ABCA13: variants seen among roughly 807,000 people sequenced by gnomAD.
ABCA13 encodes ATP-binding cassette sub-family A member 13.
A neutral mutation model predicts 478.7 loss-of-function variants in ABCA13; 476 were observed. The observed-to-expected ratio is 0.99, with a 90% CI of 0.92 to 1.07. The LOEUF is 1.07. Among genes scored for constraint, ABCA13 ranks in the 50% least tolerant of loss-of-function variants. The pLI is 0.00. For missense variants in ABCA13, 6,060 were observed against 5,910.6 expected (o/e 1.03, Z -0.83); for synonymous variants, 2,252 against 2,158.9 (o/e 1.04, Z -1.20).
At chr7:48,227,190 ATCTG>A in intron 5 of ABCA13, 68 bp from the exon 6 acceptor site, 1 of 1,546,922 alleles carries the variant, frequency 6.5e-7, no homozygotes, top group Non-Finnish European at 8.9e-7. Context: ...CCTTTGTAGC[ATCTG>A]TCTGTCTCAT....
chr7:48,557,993 CT>C (rs534448134), intron 55 of ABCA13, among the ~76,000 whole-genome samples: 54 of 151,918 alleles, frequency 3.6e-4, no homozygotes, highest in Non-Finnish European at 6.6e-4. Flanking sequence ...CTTGTCTGTT[CT>C]TTGTTCTTTT....
At chr7:48,193,080 T>A (rs775546437) in intron 2 of ABCA13, 28 bp downstream of exon 2, 13 of 1,471,188 alleles carry the variant, frequency 8.8e-6, no homozygotes, top group Non-Finnish European at 1.2e-5. Flanking sequence ...ATATACTTTT[T>A]GAATTAACCT....
intron 13 of ABCA13, 139 bp downstream of exon 13, chr7:48,246,169 G>C (rs961021982): frequency 5.5e-6 from 5 of 912,154 alleles, no homozygotes; most frequent in Non-Finnish European, 6.1e-6. Context: ...CTGGCTCTCT[G>C]AACTCCAGCT....
intron 39 of ABCA13, 133 bp downstream of exon 39, chr7:48,404,012 T>A: frequency 1.8e-6 from 2 of 1,098,562 alleles, no homozygotes; most frequent in Non-Finnish European, 2.7e-6. Context: ...TATAAATTTT[T>A]AAAAGCACTT....
rs377133433 is a variant in ABCA13, at chr7:48,549,606, A to G, written c.14354+21261A>G. On this transcript the variant is annotated intron_variant, in intron 55 of 61. Transcript: ENST00000435803. ...AGTAATTGGATTGCTGGATCAAATG[A>G]TATTTCTGGTTCTAGATCTTTGAGG... Among the ~76,000 whole-genome samples the G allele has an allele frequency of 5.7e-4, 86 of 151,536 alleles. 3 individuals carry two copies. In the South Asian group the frequency reaches 0.011, roughly 19 times the overall value.
rs566783688 is a variant in ABCA13, at chr7:48,352,289, G to T, written c.10490G>T (p.Arg3497Leu). Residue 3497 changes from arginine (R) to leucine (L), a missense_variant, in exon 31 of 62, where the codon CGA becomes CTA. Coordinates refer to ENST00000435803, the MANE Select transcript of ABCA13 (RefSeq NM_152701.5). ...CGGACCAATGTGTTATACAGCGTGC[G>T]AACAGATGTGGTAAAAAACCCTTCT... ...TIRTNVLYSV[R>L]TDVVKNPSWK... is the part of the protein sequence containing the mutation. 10 of 1,613,798 alleles carry T rather than the reference G, an allele frequency of 6.2e-6. No individual in the cohort carries two copies. Among genetic ancestry groups the T allele is most frequent in the Non-Finnish European group, 8.5e-6 (10 of 1,179,888 alleles).
rs1796324674 is a variant in ABCA13 at position 48,276,486 on chromosome 7, C to T, written c.6820C>T (p.Leu2274Phe). The change falls in exon 17 of 62, where the codon CTT (leucine) becomes TTT (phenylalanine). Residue 2274 changes from leucine (L) to phenylalanine (F), a missense_variant. Coordinates refer to ENST00000435803, the MANE Select transcript of ABCA13 (RefSeq NM_152701.5). ...ACAGTTTTTGAAAACATTCTTCTCCCTTTTTCTAAAGGAAGATTCTGAGAA... is the reference window on the plus strand; with the variant it reads ...ACAGTTTTTGAAAACATTCTTCTCCTTTTTTCTAAAGGAAGATTCTGAGAA... ...TEQFLKTFFS[L>F]FLKEDSENKI... The T allele has an allele frequency of 6.2e-7, 1 of 1,608,438 alleles. No homozygotes were observed. Among genetic ancestry groups the T allele is most frequent in the South Asian group, 1.1e-5 (1 of 90,364 alleles).
intron 31 of ABCA13, among the ~76,000 whole-genome samples, chr7:48,360,456 C>A (rs1185066210): frequency 6.6e-6 from 1 of 151,922 alleles, no homozygotes; most frequent in Non-Finnish European, 1.5e-5. Context: ...ATTCTCGATT[C>A]TTAGTTTGAT....
intron 42 of ABCA13, among the ~76,000 whole-genome samples, chr7:48,438,839 T>C (rs552712296): frequency 6.6e-6 from 1 of 151,634 alleles, no homozygotes; most frequent in African/African-American, 2.4e-5. Flanking sequence ...TAACAAATTC[T>C]GTTTTCCACA....
intron 29 of ABCA13, among the ~76,000 whole-genome samples, chr7:48,341,829 T>A (rs1489703954): frequency 1.0e-5 from 1 of 97,896 alleles, no homozygotes; most frequent in Non-Finnish European, 2.3e-5. Context: ...ATATATATCT[T>A]TCTGATATAT....
intron 53 of ABCA13, among the ~76,000 whole-genome samples, chr7:48,522,460 G>A (rs11766863): frequency 1.3e-5 from 2 of 152,116 alleles, no homozygotes; most frequent in African/African-American, 4.8e-5. Context: ...CTGTACCCTA[G>A]GTGCTGGCTG....
intron 23 of ABCA13, among the ~76,000 whole-genome samples, 192 bp from the exon 24 acceptor site, chr7:48,309,755 G>A (rs185023326): frequency 9.2e-5 from 14 of 152,278 alleles, no homozygotes; most frequent in Admixed American, 5.2e-4. Flanking sequence ...AATGATGTGC[G>A]CACTTCAGAA....
intron 45 of ABCA13, among the ~76,000 whole-genome samples, chr7:48,477,215 A>G (rs1024839912): frequency 6.6e-6 from 1 of 152,070 alleles, no homozygotes; most frequent in African/African-American, 2.4e-5. Flanking sequence ...ATATTTTCTC[A>G]TGATCATTAA....
At chr7:48,403,983 A>C (rs774071923) in intron 39 of ABCA13, 104 bp downstream of exon 39, 6 of 1,325,048 alleles carry the variant, frequency 4.5e-6, no homozygotes, top group Admixed American at 2.0e-5. Context: ...GTGAGGCTAC[A>C]TTATCCTTTT....
chr7:48,475,458 A>ATTTTTTTTTTTTT (rs398047655), intron 45 of ABCA13, among the ~76,000 whole-genome samples: 1 of 100,476 alleles, frequency 1.0e-5, no homozygotes, highest in African/African-American at 3.9e-5. Flanking sequence ...TGTCAATTTA[A>ATTTTTTTTTTTTT]TTTTTTTTTT....
Position 48,278,541 on chromosome 7 carries a change from A to G in ABCA13, c.7347A>G (p.Ile2449Met), listed in dbSNP as rs1305376382. The G allele has an allele frequency of 6.2e-7, 1 of 1,613,954 alleles. No individual in the cohort carries two copies. The highest frequency in any genetic ancestry group is 1.1e-5 in the South Asian group (1 of 91,078). The change falls in exon 18 of 62, where the codon ATA becomes ATG. Residue 2449 changes from isoleucine (I) to methionine (M), a missense_variant. Ile to Met is a conservative substitution (Grantham distance 10). This residue lies in a region of ABCA13 where 4,423 missense variants were observed against 4,309.1 expected (regional missense o/e 1.03). Transcript: ENST00000435803. ...TGTATCCTACCCTCCAAGAAGTTAT[A>G]CTTGCTAATCTAACGGATTTGCTTT... is the stretch of plus-strand genomic sequence containing the variant. ...YALYPTLQEV[I>M]LANLTDLLFF... is the part of the protein sequence containing the mutation.
chr7:48,604,658 A>G (rs1377311701), intron 58 of ABCA13, among the ~76,000 whole-genome samples: 3 of 152,116 alleles, frequency 2.0e-5, no homozygotes, highest in African/African-American at 4.8e-5. Flanking sequence ...TATGTGGTCA[A>G]TTTTAGAATA....
In ABCA13 at chr7:48,240,876, C is replaced by T. The variant is rs200039339; in HGVS notation, c.1072C>T (p.Gln358Ter). 40 of 1,532,072 alleles carry T rather than the reference C, an allele frequency of 2.6e-5. No individual in the cohort carries two copies. Among genetic ancestry groups the T allele is most frequent in the Middle Eastern group, 1.7e-4 (1 of 5,716 alleles). 94.9% of individuals were successfully genotyped at this position (1,532,072 alleles called of 1,614,324 possible). Residue 358 changes from glutamine to a stop codon, truncating the protein, a stop_gained, in exon 10 of 62, where the codon CAG becomes TAG. Coordinates refer to ENST00000435803, the MANE Select transcript of ABCA13 (RefSeq NM_152701.5). LOFTEE classifies it high-confidence loss of function. ...GTTTCCGAATTTGTAGGTGTTTGTT[C>T]AGTGGCAACAGGGTAGCCTGCTTCA... ...WLRVYQQVFV[Q>*]WQQGSLLQKT...
chr7:48,246,833 T>C lies in ABCA13; in HGVS notation c.1659+803T>C, dbSNP rs564936088. Among the ~76,000 whole-genome samples the C allele has an allele frequency of 1.8e-4, 27 of 152,288 alleles. No individual in the cohort carries two copies. The South Asian group carries it at 2.9e-3, about 16-fold the overall frequency. Reference sequence around the variant, plus strand: ...GAAGGGCAAACAACAGTGAGAGCCTTGGAGCTCAGCATCTAGGAGTCTTCC... The same window carrying C: ...GAAGGGCAAACAACAGTGAGAGCCTCGGAGCTCAGCATCTAGGAGTCTTCC... On this transcript the variant is annotated intron_variant, in intron 13 of 61. Transcript: ENST00000435803.
Sources: gnomAD v4.1 joint callset for allele counts (sites outside exome capture counted in the v4.1 genomes callset) on GRCh38, gnomAD v4.1.1 for gene constraint, gnomAD v4.1.1 regional missense constraint, MANE v1.5 for transcripts, NCBI Gene and HGNC (gene_info 2026-07-23, HGNC 2026-07-21) for gene names.